Variants in NSMCE2 observed in about 807,000 individuals in gnomAD.
NSMCE2 encodes the protein NSE2 SUMO ligase component of SMC5/6 complex.
Under a neutral mutation model 23.8 loss-of-function variants are expected in NSMCE2, and 24 were observed. The ratio of observed to expected loss-of-function variants is 1.01; its 90% CI spans 0.73 to 1.42. The LOEUF is 1.42. Among genes scored for constraint, NSMCE2 ranks in the 40% most tolerant of loss-of-function variants. The pLI is 0.00. For missense variants in NSMCE2, 284 were observed against 296.5 expected (o/e 0.96, Z 0.31); for synonymous variants, 92 against 94.1 (o/e 0.98, Z 0.13).
chr8:125,316,690 CCTT>C (rs2131253094), intron 5 of NSMCE2, among the ~76,000 whole-genome samples: 1 of 72,958 alleles, frequency 1.4e-5, no homozygotes, highest in South Asian at 4.5e-4. Flanking sequence ...TTCTTATCTT[CCTT>C]CTTTCCTTCC....
At chr8:125,190,051 A>G (rs1823279636) in intron 5 of NSMCE2, among the ~76,000 whole-genome samples, 1 of 152,284 alleles carries the variant, frequency 6.6e-6, no homozygotes, top group Non-Finnish European at 1.5e-5. Flanking sequence ...GGGAGATGCT[A>G]AAAATCTTAA....
At chr8:125,282,741 A>G (rs970819075) in intron 5 of NSMCE2, among the ~76,000 whole-genome samples, 2 of 152,260 alleles carry the variant, frequency 1.3e-5, no homozygotes, top group Non-Finnish European at 2.9e-5. Context: ...ATAATGCTAC[A>G]CAGCTTATCC....
At chr8:125,243,501 T>TAA (rs36036418) in intron 5 of NSMCE2, among the ~76,000 whole-genome samples, 1 of 148,540 alleles carries the variant, frequency 6.7e-6, no homozygotes, top group Non-Finnish European at 1.5e-5. Context: ...AATAATTTTT[T>TAA]AAAAAAAAAA....
At chr8:125,278,246 G>T (rs1283957388) in intron 5 of NSMCE2, among the ~76,000 whole-genome samples, 1 of 152,142 alleles carries the variant, frequency 6.6e-6, no homozygotes, top group Non-Finnish European at 1.5e-5. Flanking sequence ...AGCTTAGGTG[G>T]AATGAGTGCC....
At chr8:125,340,939 T>C (rs1161234436) in intron 5 of NSMCE2, among the ~76,000 whole-genome samples, 1 of 152,226 alleles carries the variant, frequency 6.6e-6, no homozygotes, top group African/African-American at 2.4e-5. Context: ...TCCTTGATGT[T>C]CACCTTTCAT....
chr8:125,324,637 C>T (rs1173716648), intron 5 of NSMCE2, among the ~76,000 whole-genome samples: 2 of 46,538 alleles, frequency 4.3e-5, no homozygotes, highest in South Asian at 1.2e-3. Flanking sequence ...TGCAGTGGCG[C>T]AATCTCGGCT....
intron 4 of NSMCE2, chr8:125,155,958 A>G (rs1563685150): frequency 4.4e-6 from 2 of 453,712 alleles, no homozygotes; most frequent in Non-Finnish European, 8.9e-6. Context: ...GATTACTGTC[A>G]TATATATTTA....
At chr8:125,288,339 T>C (rs1827978212) in intron 5 of NSMCE2, among the ~76,000 whole-genome samples, 3 of 152,176 alleles carry the variant, frequency 2.0e-5, no homozygotes, top group Admixed American at 6.5e-5. Context: ...TGATATCAGC[T>C]CTTCCTCCTG....
chr8:125,205,809 C>A (rs1824095417), intron 5 of NSMCE2, among the ~76,000 whole-genome samples: 1 of 152,104 alleles, frequency 6.6e-6, no homozygotes, highest in South Asian at 2.1e-4. Context: ...CAGTATCGTA[C>A]TTAATAAAAT....
At position 125,363,743 on chromosome 8, in the gene NSMCE2, G is replaced by A. The variant is rs180911394; in HGVS notation, c.627-3025G>A. On this transcript the variant is annotated intron_variant, in intron 7 of 7. Coordinates refer to ENST00000287437, the MANE Select transcript of NSMCE2 (RefSeq NM_173685.4). ...AGAATTCGCTTTGAGACTTCACAGC[G>A]TAGGGGGACAGGCTGGGAAAAAAAT... 9.1e-4 allele frequency among the ~76,000 whole-genome samples: 138 copies of A among 152,198 alleles called. 1 individual carries two copies. In the Middle Eastern group the frequency reaches 0.01, roughly 11 times the overall value.
At chr8:125,314,861 G>C (rs1421227605) in intron 5 of NSMCE2, among the ~76,000 whole-genome samples, 1 of 152,212 alleles carries the variant, frequency 6.6e-6, no homozygotes, top group East Asian at 1.9e-4. Flanking sequence ...GGGGAGATGG[G>C]CAAAGCATGA....
intron 5 of NSMCE2, among the ~76,000 whole-genome samples, chr8:125,337,365 A>T (rs1471199229): frequency 6.6e-6 from 1 of 152,220 alleles, no homozygotes; most frequent in Non-Finnish European, 1.5e-5. Flanking sequence ...TGTGATTATA[A>T]GGTTTCCTGA....
chr8:125,279,212 G>T (rs926020388), intron 5 of NSMCE2, among the ~76,000 whole-genome samples: 2 of 152,172 alleles, frequency 1.3e-5, no homozygotes, highest in African/African-American at 2.4e-5. Flanking sequence ...GCACCTGGGA[G>T]CTGAGACGTG....
chr8:125,093,951 T>C (rs1185542021), intron 1 of NSMCE2, among the ~76,000 whole-genome samples: 1 of 151,932 alleles, frequency 6.6e-6, no homozygotes, highest in African/African-American at 2.4e-5. Context: ...TGCAAGCCAC[T>C]ATGTCTGTGT....
At chr8:125,137,481 GC>G (rs1268847694) in intron 3 of NSMCE2, among the ~76,000 whole-genome samples, 1 of 152,140 alleles carries the variant, frequency 6.6e-6, no homozygotes, top group African/African-American at 2.4e-5. Context: ...CTATCCACAT[GC>G]AAGCTAAAGG....
At chr8:125,239,526 T>A (rs1486978395) in intron 5 of NSMCE2, among the ~76,000 whole-genome samples, 1 of 151,198 alleles carries the variant, frequency 6.6e-6, no homozygotes, top group Non-Finnish European at 1.5e-5. Context: ...TGAGAATTGC[T>A]TTAACCCGGG....
At chr8:125,093,864 A>G (rs941390526) in intron 1 of NSMCE2, among the ~76,000 whole-genome samples, 4 of 152,204 alleles carry the variant, frequency 2.6e-5, no homozygotes, top group Middle Eastern at 3.2e-3. Flanking sequence ...TAGCATGATC[A>G]TAGCTCACTG....
intron 4 of NSMCE2, chr8:125,156,152 CAGAGTTTAGCA>C (rs1821296490): frequency 4.3e-6 from 1 of 231,932 alleles, no homozygotes; most frequent in Non-Finnish European, 8.8e-6. Flanking sequence ...AGTATAGTCT[CAGAGTTTAGCA>C]AAAGTAACTA....
chr8:125,227,453 A>G (rs1325640088), intron 5 of NSMCE2, among the ~76,000 whole-genome samples: 1 of 152,206 alleles, frequency 6.6e-6, no homozygotes, highest in African/African-American at 2.4e-5. Context: ...GCCTTACCGA[A>G]TAACGAATCA....
Sources: allele counts gnomAD v4.1 joint callset (sites outside exome capture counted in the v4.1 genomes callset), GRCh38; gene constraint gnomAD v4.1.1; transcripts MANE v1.5; gene names NCBI Gene and HGNC (gene_info 2026-07-23, HGNC 2026-07-21).